The following P4HB variants were observed in gnomAD, a reference collection of about 807,000 sequenced individuals.
P4HB encodes protein disulfide-isomerase.
P4HB carries 20 observed loss-of-function variants against 52.6 expected under a neutral mutation model. The ratio of observed to expected loss-of-function variants is 0.38; its 90% CI spans 0.27 to 0.55. P4HB has a LOEUF of 0.55. Ranked by LOEUF, P4HB falls within the 20% of genes least tolerant of loss-of-function variation. The probability of loss-of-function intolerance (pLI) is 0.74; values close to 1 mark genes in which losing one functional copy is unlikely to be tolerated. For synonymous variants in P4HB, 296 were observed against 277.9 expected (o/e 1.07, Z -0.65); for missense variants, 601 against 669.2 (o/e 0.90, Z 1.12).
At position 81,855,714 on chromosome 17, in the gene P4HB, T is replaced by A; in HGVS notation, c.353-128A>T. On this transcript the variant is annotated intron_variant, in intron 2 of 10. Coordinates refer to ENST00000331483, the MANE Select transcript of P4HB (RefSeq NM_000918.4). This position sits in a 1 kb window ranked among gnomAD's most constrained non-coding sequence, Gnocchi z 4.3. ...CTGAATCAACCTAAGTAAGATGTTC[T>A]CCCACCATGGAAGAGGCCCGGTGCC... The A allele has an allele frequency of 8.9e-7, 1 of 1,126,698 alleles. No individual in the cohort carries two copies. Among genetic ancestry groups the A allele is most frequent in the Non-Finnish European group, 1.2e-6 (1 of 808,952 alleles). The allele number at this position is 1,126,698 out of a possible 1,614,324, so 69.8% of individuals were successfully genotyped here.
At position 81,846,341 on chromosome 17, in the gene P4HB, G is replaced by A. The variant is rs1598263767; in HGVS notation, c.1056+88C>T. On this transcript the variant is annotated intron_variant, in intron 7 of 10. Coordinates refer to ENST00000331483, the MANE Select transcript of P4HB (RefSeq NM_000918.4). This position sits in a 1 kb window ranked among gnomAD's most constrained non-coding sequence, Gnocchi z 5.7. Reference sequence around the variant, plus strand: ...TCTTACTCTGAAGATCTTACTTTGAGGACGAAGCCCAGGACACTGAGAGCC... The same window carrying A: ...TCTTACTCTGAAGATCTTACTTTGAAGACGAAGCCCAGGACACTGAGAGCC... The A allele has an allele frequency of 8.2e-7, 1 of 1,217,540 alleles. No individual in the cohort carries two copies. The highest frequency in any genetic ancestry group is 2.3e-5 in the East Asian group (1 of 43,038). The allele number at this position is 1,217,540 out of a possible 1,614,324, so 75.4% of individuals were successfully genotyped here.
In P4HB at chr17:81,855,276, C is replaced by T. The variant is rs773525575; in HGVS notation, c.490G>A (p.Val164Met). 1.1e-5 allele frequency: 18 copies of T among 1,613,860 alleles called. No homozygotes were observed. The highest frequency in any genetic ancestry group is 3.3e-5 in the South Asian group (3 of 91,078). Reference sequence around the variant, plus strand: ...AACTGCTTGGCAGAGTCCGACTCCACGTCCTGAATGAGGAGGGAGAAGCAG... The same window carrying T: ...AACTGCTTGGCAGAGTCCGACTCCATGTCCTGAATGAGGAGGGAGAAGCAG... ...EVAVIGFFKDVESDSAKQFLQ... is the reference protein window; with the variant it reads ...EVAVIGFFKDMESDSAKQFLQ... The change falls in exon 4 of 11, where the codon GTG becomes ATG. Residue 164 changes from valine to methionine, a missense_variant. Val to Met is a conservative substitution (Grantham distance 21). Transcript: ENST00000331483. This position sits in a 1 kb window ranked among gnomAD's most constrained non-coding sequence, Gnocchi z 4.3.
At chr17:81,850,524 C>G (rs1183396752) in intron 4 of P4HB, among the ~76,000 whole-genome samples, 1 of 152,152 alleles carries the variant, frequency 6.6e-6, no homozygotes, top group Non-Finnish European at 1.5e-5. Flanking sequence ...GTTTCCCTGG[C>G]TAGAGTGCAA....
chr17:81,845,266 C>T (rs561566688), intron 9 of P4HB, 36 bp from the exon 10 acceptor site: 15 of 1,530,514 alleles, frequency 9.8e-6, no homozygotes, highest in African/African-American at 2.7e-5. Flanking sequence ...GGGCTGGTCC[C>T]GGCCCAGAGC....
At position 81,846,311 on chromosome 17, in the gene P4HB, C is replaced by T. The variant is rs563979189; in HGVS notation, c.1056+118G>A. The T allele has an allele frequency of 2.1e-4, 203 of 963,268 alleles. No individual in the cohort carries two copies. In the South Asian group the frequency reaches 2.6e-3, roughly 12 times the overall value. 59.7% of individuals were successfully genotyped at this position (963,268 alleles called of 1,614,324 possible). A position where few individuals can be genotyped will look rare whatever the true frequency, so the allele number is the denominator to read the frequency against. Reference sequence around the variant, plus strand: ...GTGGTCTTCACACCATCTTGGGCTCCGTCCTCTTACTCTGAAGATCTTACT... The same window carrying T: ...GTGGTCTTCACACCATCTTGGGCTCTGTCCTCTTACTCTGAAGATCTTACT... On this transcript the variant is annotated intron_variant, in intron 7 of 10. Coordinates refer to ENST00000331483, the MANE Select transcript of P4HB (RefSeq NM_000918.4). This position sits in a 1 kb window ranked among gnomAD's most constrained non-coding sequence, Gnocchi z 5.7.
intron 10 of P4HB, 113 bp from the exon 11 acceptor site, chr17:81,844,205 G>C (rs976678911): frequency 1.8e-5 from 14 of 798,160 alleles, no homozygotes; most frequent in African/African-American, 1.5e-4. Context: ...CGGCGGACAT[G>C]GCCACCGGCC....
At chr17:81,858,746 G>C (rs2038953647) in intron 2 of P4HB, 1 of 194,140 alleles carries the variant, frequency 5.2e-6, no homozygotes, top group South Asian at 8.4e-5. Context: ...GCCTCACAGA[G>C]AGGATGCGAG....
rs2143355560 is a variant in P4HB, at chr17:81,855,800, A to G, written c.353-214T>C. 1 of 515,400 alleles carries G rather than the reference A, an allele frequency of 1.9e-6. No homozygotes were observed. The highest frequency in any genetic ancestry group is 3.4e-6 in the Non-Finnish European group (1 of 293,304). 31.9% of individuals were successfully genotyped at this position (515,400 alleles called of 1,614,324 possible). A position where few individuals can be genotyped will look rare whatever the true frequency, so the allele number is the denominator to read the frequency against. ...CTGTGGTTGTGTTTATGGGGAGTGG[A>G]GAGGGAAGAGGGTGATTCTGTCTCT... is the stretch of plus-strand genomic sequence containing the variant. On this transcript the variant is annotated intron_variant, in intron 2 of 10. Coordinates refer to ENST00000331483, the MANE Select transcript of P4HB (RefSeq NM_000918.4). This position sits in a 1 kb window ranked among gnomAD's most constrained non-coding sequence, Gnocchi z 4.3.
At chr17:81,856,672 G>A (rs1427961872) in intron 2 of P4HB, among the ~76,000 whole-genome samples, 4 of 146,124 alleles carry the variant, frequency 2.7e-5, no homozygotes, top group Admixed American at 2.0e-4. Context: ...TTTTGAGACG[G>A]AATCTACCTC....
In P4HB at chr17:81,855,342, C is replaced by A; in HGVS notation, c.487-63G>T. Reference sequence around the variant, plus strand: ...CGCAGCACCAAGCAGTAGGGCAGACCCTGTAGAGCCCAGGCCAGGGGGGAC... The same window carrying A: ...CGCAGCACCAAGCAGTAGGGCAGACACTGTAGAGCCCAGGCCAGGGGGGAC... On this transcript the variant is annotated intron_variant, in intron 3 of 10. Coordinates refer to ENST00000331483, the MANE Select transcript of P4HB (RefSeq NM_000918.4). The surrounding 1 kb of genome is among the most constrained non-coding windows in gnomAD (Gnocchi z 4.3). 1 of 1,607,712 alleles carries A rather than the reference C, an allele frequency of 6.2e-7. No homozygotes were observed. The highest frequency in any genetic ancestry group is 8.5e-7 in the Non-Finnish European group (1 of 1,175,634).
rs774456938 is a variant in P4HB, at chr17:81,855,365, G to A, written c.487-86C>T. 76 of 1,597,968 alleles carry A rather than the reference G, an allele frequency of 4.8e-5. No homozygotes were observed. Among genetic ancestry groups the A allele is most frequent in the South Asian group, 5.6e-5 (5 of 89,744 alleles). On this transcript the variant is annotated intron_variant, in intron 3 of 10. Coordinates refer to ENST00000331483, the MANE Select transcript of P4HB (RefSeq NM_000918.4). This position sits in a 1 kb window ranked among gnomAD's most constrained non-coding sequence, Gnocchi z 4.3. The stretch of plus-strand genomic sequence containing the variant: ...ACCCTGTAGAGCCCAGGCCAGGGGG[G>A]ACACGTGCAGAACTGCCAGCTGCAG...
intron 1 of P4HB, 83 bp from the exon 2 acceptor site, chr17:81,859,470 C>A (rs2038963426): frequency 6.6e-6 from 8 of 1,215,620 alleles, no homozygotes; most frequent in Non-Finnish European, 9.6e-6. Context: ...CCTTTTTCCT[C>A]TGGCATTTCC....
chr17:81,854,502 A>G (rs1474747134), intron 4 of P4HB, among the ~76,000 whole-genome samples: 1 of 146,618 alleles, frequency 6.8e-6, no homozygotes, highest in African/African-American at 2.5e-5. Flanking sequence ...AGAATGCACC[A>G]CCGCACTCCA....
chr17:81,845,201 C>T lies in P4HB; in HGVS notation c.1389G>A (p.Leu463=), dbSNP rs1182082590. The part of the protein sequence containing the change: ...TVIDYNGERT[L]DGFKKFLESG... ...TCTCCAGGAATTTCTTAAAACCATCCAGCGTGCGTTCCCCGTTGTAATCAA... is the reference window on the plus strand; with the variant it reads ...TCTCCAGGAATTTCTTAAAACCATCTAGCGTGCGTTCCCCGTTGTAATCAA... The change falls in exon 10 of 11, where the codon CTG becomes CTA. Residue 463 remains leucine (L), a synonymous_variant. Coordinates refer to ENST00000331483, the MANE Select transcript of P4HB (RefSeq NM_000918.4). 1.2e-6 allele frequency: 2 copies of T among 1,613,836 alleles called. No homozygotes were observed. The highest frequency in any genetic ancestry group is 3.3e-5 in the Admixed American group (2 of 60,000).
At chr17:81,853,992 G>A (rs1252751858) in intron 4 of P4HB, among the ~76,000 whole-genome samples, 1 of 152,234 alleles carries the variant, frequency 6.6e-6, no homozygotes, top group South Asian at 2.1e-4. Context: ...TCCTGGTAAC[G>A]GGGAGAGGCG....
intron 4 of P4HB, among the ~76,000 whole-genome samples, chr17:81,848,429 T>G (rs1360678252): frequency 6.6e-6 from 1 of 152,172 alleles, no homozygotes; most frequent in African/African-American, 2.4e-5. Context: ...TAACATGTAA[T>G]GGGATTATTA....
intron 4 of P4HB, among the ~76,000 whole-genome samples, 189 bp downstream of exon 4, chr17:81,854,953 G>A (rs2143351976): frequency 6.6e-6 from 1 of 151,522 alleles, no homozygotes. Flanking sequence ...TGGCCAGAAA[G>A]CCCACAGCTG....
chr17:81,851,585 C>T (rs111243731), intron 4 of P4HB, among the ~76,000 whole-genome samples: 8 of 152,220 alleles, frequency 5.3e-5, no homozygotes, highest in African/African-American at 1.4e-4. Context: ...CCCAGTGGCA[C>T]GGGTGGGCTC....
rs943757106 is a variant in P4HB at position 81,846,693 on chromosome 17, T to C, written c.856-64A>G. On this transcript the variant is annotated intron_variant, in intron 6 of 10. Coordinates refer to ENST00000331483, the MANE Select transcript of P4HB (RefSeq NM_000918.4). This position sits in a 1 kb window ranked among gnomAD's most constrained non-coding sequence, Gnocchi z 5.7. Reference sequence around the variant, plus strand: ...GCTGGCCTCTGCCTCCAGCCCTGACTTTGCTCGGAAGCAGACCGTGCTCCG... The same window carrying C: ...GCTGGCCTCTGCCTCCAGCCCTGACCTTGCTCGGAAGCAGACCGTGCTCCG... 1.1e-5 allele frequency: 16 copies of C among 1,521,024 alleles called. No individual in the cohort carries two copies. The highest frequency in any genetic ancestry group is 1.2e-5 in the Non-Finnish European group (13 of 1,106,002). The allele number at this position is 1,521,024 out of a possible 1,614,324, so 94.2% of individuals were successfully genotyped here. A position where few individuals can be genotyped will look rare whatever the true frequency, so the allele number is the denominator to read the frequency against.
Sources: gnomAD v4.1 joint callset for allele counts (sites outside exome capture counted in the v4.1 genomes callset) on GRCh38, gnomAD v4.1.1 for gene constraint, Gnocchi (gnomAD v3.1) non-coding constraint, MANE v1.5 for transcripts, NCBI Gene and HGNC (gene_info 2026-07-23, HGNC 2026-07-21) for gene names.